TMEM135: variants seen among roughly 807,000 people sequenced by gnomAD.
TMEM135 encodes the protein peroxisomal membrane protein 52.
TMEM135 carries 30 observed loss-of-function variants against 60.3 expected under a neutral mutation model. That is an observed-to-expected ratio of 0.50 (90% CI 0.37 to 0.68). TMEM135 has a LOEUF of 0.68. Ranked by LOEUF, TMEM135 falls within the 30% of genes least tolerant of loss-of-function variation. The pLI is 0.00. For missense variants in TMEM135, 468 were observed against 548.8 expected (o/e 0.85, Z 1.47); for synonymous variants, 190 against 186.7 (o/e 1.02, Z -0.14).
At chr11:87,248,372 T>C (rs1941337870) in intron 6 of TMEM135, among the ~76,000 whole-genome samples, 1 of 152,226 alleles carries the variant, frequency 6.6e-6, no homozygotes, top group Non-Finnish European at 1.5e-5. Flanking sequence ...TGTTATTGCT[T>C]GTCTTTTGGA....
rs372592478 is a variant in TMEM135 at position 87,172,257 on chromosome 11, T to G, written c.462+14851T>G. Among the ~76,000 whole-genome samples, 50 of 152,314 alleles carry G rather than the reference T, an allele frequency of 3.3e-4. 2 individuals are homozygous for G. In the South Asian group the frequency reaches 1.0e-2, roughly 30 times the overall value. ...CTGTTGTAAACCACTGTTTTAGAAG[T>G]ATTTTTTAATTCTTTCTTCTTTGAA... On this transcript the variant is annotated intron_variant, in intron 5 of 14. Transcript: ENST00000305494.
rs1359784589 is a variant in TMEM135, at chr11:87,322,516, A to G, written c.*1183A>G. ...ATATGGTCGCTATTTACAGTTTTTC[A>G]GGGAAAAGTTATACTTTTCTATGTT... On this transcript the variant is annotated 3_prime_UTR_variant, in exon 15 of 15. Transcript: ENST00000305494. 2 of 453,888 alleles carry G rather than the reference A, an allele frequency of 4.4e-6. No homozygotes were observed. The highest frequency in any genetic ancestry group is 6.9e-5 in the East Asian group (1 of 14,410). The allele number at this position is 453,888 out of a possible 1,614,324, so 28.1% of individuals were successfully genotyped here. A position where few individuals can be genotyped will look rare whatever the true frequency, so the allele number is the denominator to read the frequency against.
At chr11:87,186,336 T>C (rs1391776876) in intron 5 of TMEM135, among the ~76,000 whole-genome samples, 1 of 152,196 alleles carries the variant, frequency 6.6e-6, no homozygotes, top group Non-Finnish European at 1.5e-5. Context: ...GTTCATCTTG[T>C]ATAGCTCCTG....
chr11:87,325,197 C>T lies in TMEM135; in HGVS notation c.*3864C>T, dbSNP rs1942895049. On this transcript the variant is annotated 3_prime_UTR_variant, in exon 15 of 15. Coordinates refer to ENST00000305494, the MANE Select transcript of TMEM135 (RefSeq NM_022918.4). ...ACTATGTTTCTGTTTAAAGTAGTGGCCTCAGGTGACTTTGTAATAGCCCTG... is the reference window on the plus strand; with the variant it reads ...ACTATGTTTCTGTTTAAAGTAGTGGTCTCAGGTGACTTTGTAATAGCCCTG... 2.2e-6 allele frequency: 1 copy of T among 453,816 alleles called. No individual in the cohort carries two copies. The allele number at this position is 453,816 out of a possible 1,614,324, so 28.1% of individuals were successfully genotyped here.
chr11:87,262,440 G>A (rs1222934656), intron 6 of TMEM135, among the ~76,000 whole-genome samples: 1 of 152,180 alleles, frequency 6.6e-6, no homozygotes, highest in Non-Finnish European at 1.5e-5. Context: ...CATCTAAAAT[G>A]TAGGTAATAC....
At chr11:87,264,779 T>A (rs1386388766) in intron 6 of TMEM135, among the ~76,000 whole-genome samples, 1 of 151,912 alleles carries the variant, frequency 6.6e-6, no homozygotes, top group African/African-American at 2.4e-5. Context: ...TAAACTTTAT[T>A]CTTTGTTTAT....
chr11:87,309,482 G>C, intron 9 of TMEM135, 23 bp from the exon 10 acceptor site: 1 of 1,613,098 alleles, frequency 6.2e-7, no homozygotes, highest in Non-Finnish European at 8.5e-7. Context: ...TGTAAATCAG[G>C]TTTTTCTCCA....
intron 6 of TMEM135, among the ~76,000 whole-genome samples, chr11:87,253,301 G>A (rs1419386313): frequency 6.6e-6 from 1 of 152,092 alleles, no homozygotes; most frequent in Non-Finnish European, 1.5e-5. Flanking sequence ...TGGAGAAACA[G>A]CATGAACCTA....
At chr11:87,315,149 C>T (rs1203429119) in intron 12 of TMEM135, among the ~76,000 whole-genome samples, 1 of 150,524 alleles carries the variant, frequency 6.6e-6, no homozygotes, top group Non-Finnish European at 1.5e-5. Context: ...GCTTTTCTTC[C>T]TCCTCCTCCT....
chr11:87,272,061 T>C (rs1408779266), intron 6 of TMEM135, among the ~76,000 whole-genome samples: 2 of 148,194 alleles, frequency 1.3e-5, no homozygotes, highest in Non-Finnish European at 3.0e-5. Flanking sequence ...CTTTTTTTTT[T>C]TTTTTTTTTT....
At chr11:87,113,222 G>T (rs1857797942) in intron 4 of TMEM135, among the ~76,000 whole-genome samples, 2 of 152,038 alleles carry the variant, frequency 1.3e-5, no homozygotes, top group African/African-American at 4.8e-5. Flanking sequence ...TTACTAAAAA[G>T]CTGCAGGAGT....
At chr11:87,111,993 T>C (rs1188946273) in intron 4 of TMEM135, among the ~76,000 whole-genome samples, 2 of 152,188 alleles carry the variant, frequency 1.3e-5, no homozygotes, top group Non-Finnish European at 2.9e-5. Context: ...ATGTTATTGA[T>C]TGATGACCTT....
chr11:87,192,129 G>A lies in TMEM135; in HGVS notation c.462+34723G>A, dbSNP rs539839582. ...CCCGAGTAGCTGGGACTACAGGCATGTGCCACCGTGCCCAGCTAATTTTTT... is the reference window on the plus strand; with the variant it reads ...CCCGAGTAGCTGGGACTACAGGCATATGCCACCGTGCCCAGCTAATTTTTT... On this transcript the variant is annotated intron_variant, in intron 5 of 14. Coordinates refer to ENST00000305494, the MANE Select transcript of TMEM135 (RefSeq NM_022918.4). 7.3e-5 allele frequency among the ~76,000 whole-genome samples: 11 copies of A among 149,832 alleles called. No individual in the cohort carries two copies. The East Asian group carries it at 2.2e-3, about 29-fold the overall frequency.
chr11:87,263,488 A>G (rs1001203347), intron 6 of TMEM135, among the ~76,000 whole-genome samples: 1 of 151,948 alleles, frequency 6.6e-6, no homozygotes, highest in Non-Finnish European at 1.5e-5. Flanking sequence ...TCATACTTTT[A>G]CTCTAGGAAC....
chr11:87,235,063 G>A (rs1334921072), intron 5 of TMEM135, among the ~76,000 whole-genome samples: 1 of 151,908 alleles, frequency 6.6e-6, no homozygotes, highest in Non-Finnish European at 1.5e-5. Context: ...TTGAATGATA[G>A]AGAAATTTAA....
chr11:87,210,009 G>C (rs1940324716), intron 5 of TMEM135, among the ~76,000 whole-genome samples: 2 of 152,116 alleles, frequency 1.3e-5, no homozygotes, highest in Non-Finnish European at 2.9e-5. Context: ...AGAATCTTTG[G>C]ACACAGCTAA....
intron 5 of TMEM135, among the ~76,000 whole-genome samples, chr11:87,236,271 A>G (rs1382952193): frequency 6.6e-6 from 1 of 151,846 alleles, no homozygotes; most frequent in African/African-American, 2.4e-5. Flanking sequence ...GGGGTGTCCA[A>G]TCTTTTAGCT....
chr11:87,237,546 C>A (rs577237295), intron 6 of TMEM135, among the ~76,000 whole-genome samples: 1 of 151,908 alleles, frequency 6.6e-6, no homozygotes, highest in Non-Finnish European at 1.5e-5. Flanking sequence ...ATAAAACAAT[C>A]CAACCATACC....
chr11:87,044,373 A>C (rs1949776388), intron 1 of TMEM135, among the ~76,000 whole-genome samples: 1 of 152,108 alleles, frequency 6.6e-6, no homozygotes. Flanking sequence ...GAGACTAAAA[A>C]GTTTTTGGTA....
Sources: allele counts gnomAD v4.1 joint callset (sites outside exome capture counted in the v4.1 genomes callset), GRCh38; gene constraint gnomAD v4.1.1; transcripts MANE v1.5; gene names NCBI Gene and HGNC (gene_info 2026-07-23, HGNC 2026-07-21).